The following CPA6 variants were observed in gnomAD, a reference collection of about 807,000 sequenced individuals.
The protein encoded by CPA6 is carboxypeptidase B.
Under a neutral mutation model 63.3 loss-of-function variants are expected in CPA6, and 58 were observed. The ratio of observed to expected loss-of-function variants is 0.92; its 90% CI spans 0.74 to 1.14. The LOEUF (loss-of-function observed/expected upper bound fraction) is 1.14. Ranked by LOEUF, CPA6 falls within the 50% of genes most tolerant of loss-of-function variation. The pLI is 0.00. For synonymous variants in CPA6, 185 were observed against 179.0 expected (o/e 1.03, Z -0.27); for missense variants, 565 against 526.6 (o/e 1.07, Z -0.71).
intron 2 of CPA6, among the ~76,000 whole-genome samples, chr8:67,584,118 A>G (rs1041696681): frequency 2.0e-5 from 3 of 152,204 alleles, no homozygotes; most frequent in Admixed American, 2.0e-4. Flanking sequence ...AGATCGCACC[A>G]CAGCATTCTA....
intron 8 of CPA6, among the ~76,000 whole-genome samples, chr8:67,474,231 A>C (rs1211836832): frequency 6.6e-6 from 1 of 151,608 alleles, no homozygotes; most frequent in Non-Finnish European, 1.5e-5. Context: ...TTTATTTTTT[A>C]TTTTTTTTGA....
chr8:67,633,466 G>A (rs1815390379), intron 1 of CPA6, among the ~76,000 whole-genome samples: 1 of 152,168 alleles, frequency 6.6e-6, no homozygotes, highest in Non-Finnish European at 1.5e-5. Flanking sequence ...TGGATCACGA[G>A]GTCAGGAGAT....
At chr8:67,485,261 C>T (rs977345668) in intron 6 of CPA6, among the ~76,000 whole-genome samples, 7 of 152,146 alleles carry the variant, frequency 4.6e-5, no homozygotes, top group African/African-American at 1.7e-4. Flanking sequence ...AGACTCTATT[C>T]TTTTCTCCTT....
chr8:67,741,278 G>A (rs1817908315), intron 1 of CPA6, among the ~76,000 whole-genome samples: 1 of 152,158 alleles, frequency 6.6e-6, no homozygotes, highest in South Asian at 2.1e-4. Flanking sequence ...CAGCCATGAT[G>A]GTGGGAAGCC....
At chr8:67,690,547 C>T (rs920916629) in intron 1 of CPA6, among the ~76,000 whole-genome samples, 1 of 152,066 alleles carries the variant, frequency 6.6e-6, no homozygotes, top group Admixed American at 6.6e-5. Context: ...CTGTGTGAAG[C>T]AATATTAGTG....
rs1304024807 is a variant in CPA6 at position 67,422,610 on chromosome 8, C to T, written c.1208G>A (p.Gly403Glu). Reference protein sequence around the residue: ...YAFAFELRDTGYFGFLLPEML... With the variant: ...YAFAFELRDTEYFGFLLPEML... ...CTCTGGGAGTAAAAATCCAAAATAT[C>T]CAGTGTCACGTAGTTCGAAAGCAAA... Residue 403 changes from glycine (G) to glutamate (E), a missense_variant, in exon 11 of 11, where the codon GGA (glycine) becomes GAA (glutamate). Transcript: ENST00000297770. The T allele has an allele frequency of 1.8e-5, 29 of 1,614,010 alleles. No homozygotes were observed. The highest frequency in any genetic ancestry group is 2.3e-5 in the Non-Finnish European group (27 of 1,179,950).
intron 2 of CPA6, among the ~76,000 whole-genome samples, chr8:67,543,021 C>T (rs753428216): frequency 6.6e-6 from 1 of 152,206 alleles, no homozygotes; most frequent in African/African-American, 2.4e-5. Flanking sequence ...GAACTTGACA[C>T]ACCTTTTAAA....
chr8:67,625,744 G>A (rs989676286), intron 1 of CPA6, among the ~76,000 whole-genome samples: 1 of 152,152 alleles, frequency 6.6e-6, no homozygotes, highest in Admixed American at 6.5e-5. Flanking sequence ...ATTATTAATA[G>A]AATATAAAGC....
At chr8:67,427,552 A>G (rs148266507) in intron 10 of CPA6, among the ~76,000 whole-genome samples, 94 of 152,300 alleles carry the variant, frequency 6.2e-4, no homozygotes, top group African/African-American at 2.0e-3. Flanking sequence ...GCTCTGCTAT[A>G]CATTTTTCTC....
intron 2 of CPA6, among the ~76,000 whole-genome samples, chr8:67,532,844 T>C (rs1309773590): frequency 6.6e-6 from 1 of 152,228 alleles, no homozygotes; most frequent in Non-Finnish European, 1.5e-5. Flanking sequence ...TTTATTGCTC[T>C]TTTTATTTAT....
intron 8 of CPA6, among the ~76,000 whole-genome samples, chr8:67,456,917 G>A (rs1320591723): frequency 1.3e-5 from 2 of 152,224 alleles, no homozygotes; most frequent in Admixed American, 1.3e-4. Context: ...TACGCCATAG[G>A]CTTTGACTGT....
intron 2 of CPA6, among the ~76,000 whole-genome samples, chr8:67,530,140 T>C (rs1413659716): frequency 2.0e-5 from 3 of 151,342 alleles, no homozygotes; most frequent in South Asian, 2.1e-4. Flanking sequence ...AGAGCAGAAA[T>C]TTAAAATCCA....
intron 2 of CPA6, among the ~76,000 whole-genome samples, chr8:67,550,377 TC>T (rs1812913543): frequency 6.6e-6 from 1 of 152,214 alleles, no homozygotes. Flanking sequence ...ATTATTTCAT[TC>T]TTTTTTATGG....
intron 8 of CPA6, among the ~76,000 whole-genome samples, chr8:67,446,442 G>A (rs915014893): frequency 6.6e-6 from 1 of 151,412 alleles, no homozygotes; most frequent in South Asian, 2.1e-4. Flanking sequence ...TTTTTTCAAT[G>A]TTTTATTTCT....
intron 6 of CPA6, among the ~76,000 whole-genome samples, chr8:67,487,718 T>C (rs1354204149): frequency 3.3e-5 from 5 of 152,206 alleles, no homozygotes. Context: ...CTCCAGCATC[T>C]GTTGTTTCCT....
chr8:67,535,141 A>G lies in CPA6; in HGVS notation c.193-17094T>C, dbSNP rs149437353. ...GGGCATTTGGGTTGGTTGGGTTGCT[A>G]TTGGGAATAGTGCTGCAATAAACAT... On this transcript the variant is annotated intron_variant, in intron 2 of 10. Coordinates refer to ENST00000297770, the MANE Select transcript of CPA6 (RefSeq NM_020361.5). Among the ~76,000 whole-genome samples, 1,139 of 152,160 alleles carry G rather than the reference A, an allele frequency of 7.5e-3. 8 individuals carry two copies. The highest frequency in any genetic ancestry group is 0.014 in the South Asian group (69 of 4,828).
chr8:67,705,660 G>A (rs1466992511), intron 1 of CPA6, among the ~76,000 whole-genome samples: 2 of 152,052 alleles, frequency 1.3e-5, no homozygotes, highest in Non-Finnish European at 2.9e-5. Flanking sequence ...CCCTTTAATA[G>A]CCCTGTTTCT....
At chr8:67,455,267 A>C (rs1472678794) in intron 8 of CPA6, among the ~76,000 whole-genome samples, 1 of 152,138 alleles carries the variant, frequency 6.6e-6, no homozygotes. Context: ...CAGGCATTCC[A>C]CTGCTCTGGT....
chr8:67,512,692 G>A (rs1358253586), intron 3 of CPA6, among the ~76,000 whole-genome samples: 1 of 152,164 alleles, frequency 6.6e-6, no homozygotes, highest in African/African-American at 2.4e-5. Flanking sequence ...AAGCCCCCCA[G>A]TGATTTTCCT....
Sources: allele counts gnomAD v4.1 joint callset (sites outside exome capture counted in the v4.1 genomes callset), GRCh38; gene constraint gnomAD v4.1.1; transcripts MANE v1.5; gene names NCBI Gene and HGNC (gene_info 2026-07-23, HGNC 2026-07-21).